Variants in TNS3 observed in about 807,000 individuals in gnomAD.
TNS3 encodes the protein tensin 3, also known as tensin-3.
Under a neutral mutation model 140.9 loss-of-function variants are expected in TNS3, and 45 were observed. The ratio of observed to expected loss-of-function variants is 0.32; its 90% CI spans 0.25 to 0.41. The LOEUF (loss-of-function observed/expected upper bound fraction) is 0.41, where lower values mean the gene tolerates loss of function less well. Ranked by LOEUF, TNS3 falls within the 10% of genes least tolerant of loss-of-function variation. TNS3 has a pLI of 1.00. For synonymous variants in TNS3, 815 were observed against 788.4 expected (o/e 1.03, Z -0.56); for missense variants, 1,716 against 1,906.7 (o/e 0.90, Z 1.86).
At chr7:47,571,433 G>C (rs544437801) in intron 1 of TNS3, among the ~76,000 whole-genome samples, 2 of 152,362 alleles carry the variant, frequency 1.3e-5, no homozygotes, top group South Asian at 4.1e-4. Flanking sequence ...GCAGCCACAG[G>C]CTGCACCCAC....
rs776282580 is a variant in TNS3 at position 47,396,788 on chromosome 7, G to A, written c.1024+12C>T. 6.2e-7 allele frequency: 1 copy of A among 1,605,842 alleles called. No individual in the cohort carries two copies. Among genetic ancestry groups the A allele is most frequent in the South Asian group, 1.1e-5 (1 of 90,898 alleles). ...TTGCCTCCATAACTGCACACAAGATGAACACACGCACCTTCTCCATCTGCA... is the reference window on the plus strand; with the variant it reads ...TTGCCTCCATAACTGCACACAAGATAAACACACGCACCTTCTCCATCTGCA... On this transcript the variant is annotated intron_variant, in intron 16 of 30. Transcript: ENST00000311160.
In TNS3 at chr7:47,529,145, C is replaced by T. The variant is rs113334242; in HGVS notation, c.-262G>A. On this transcript the variant is annotated splice_region_variant and 5_prime_UTR_variant, in exon 2 of 31. Transcript: ENST00000311160. ...CGTGCAGACTCGAGGTTAATTCTTC[C>T]GGCTGAAAAAGTAAAGGAAGAAATT... 954 of 1,266,970 alleles carry T rather than the reference C, an allele frequency of 7.5e-4. 11 individuals are homozygous for T. The African/African-American group carries it at 0.014, about 18-fold the overall frequency. 78.5% of individuals were successfully genotyped at this position (1,266,970 alleles called of 1,614,324 possible).
chr7:47,511,529 G>A (rs1418139710), intron 2 of TNS3, among the ~76,000 whole-genome samples: 3 of 76,308 alleles, frequency 3.9e-5, no homozygotes, highest in South Asian at 7.4e-4. Flanking sequence ...AGGGTAAATC[G>A]TGATGAATAC....
chr7:47,384,884 T>C (rs1791986034), intron 16 of TNS3, among the ~76,000 whole-genome samples: 2 of 152,224 alleles, frequency 1.3e-5, no homozygotes, highest in Non-Finnish European at 2.9e-5. Flanking sequence ...CTGATGTGCA[T>C]GCCTCTGAAA....
intron 27 of TNS3, among the ~76,000 whole-genome samples, chr7:47,287,669 C>T (rs1785489770): frequency 1.3e-5 from 2 of 152,214 alleles, no homozygotes; most frequent in Admixed American, 1.3e-4. Flanking sequence ...CAGCCTCACT[C>T]CTCTGGTGAC....
chr7:47,436,611 T>A (rs1406459428), intron 7 of TNS3, among the ~76,000 whole-genome samples: 1 of 152,176 alleles, frequency 6.6e-6, no homozygotes, highest in Non-Finnish European at 1.5e-5. Context: ...GAAAAAATTT[T>A]AAAAATTTTT....
Position 47,516,704 on chromosome 7 carries a change from C to T in TNS3, c.-152-9760G>A, listed in dbSNP as rs80103504. Among the ~76,000 whole-genome samples, 333 of 152,338 alleles carry T rather than the reference C, an allele frequency of 2.2e-3. 2 individuals are homozygous for T. Among genetic ancestry groups the T allele is most frequent in the African/African-American group, 7.6e-3 (316 of 41,570 alleles). On this transcript the variant is annotated intron_variant, in intron 2 of 30. Coordinates refer to ENST00000311160, the MANE Select transcript of TNS3 (RefSeq NM_022748.12). Reference sequence around the variant, plus strand: ...GGCCAGGTCCGTCCTCCTCCTACTACGCTGACAAGAGCAATGGCTAAAATG... The same window carrying T: ...GGCCAGGTCCGTCCTCCTCCTACTATGCTGACAAGAGCAATGGCTAAAATG...
rs1189487076 is a variant in TNS3 at position 47,390,778 on chromosome 7, C to T, written c.1024+6022G>A. ...CCTCTAAATCTGTCATAGAGTCTCA[C>T]TCATCTACCTCCTAAATATCTAAAG... On this transcript the variant is annotated intron_variant, in intron 16 of 30. Transcript: ENST00000311160. 2.0e-5 allele frequency among the ~76,000 whole-genome samples: 3 copies of T among 152,194 alleles called. No individual in the cohort carries two copies. In the East Asian group the frequency reaches 5.8e-4, roughly 29 times the overall value.
intron 1 of TNS3, among the ~76,000 whole-genome samples, chr7:47,573,669 A>C (rs1800609600): frequency 6.6e-6 from 1 of 151,802 alleles, no homozygotes; most frequent in Non-Finnish European, 1.5e-5. Flanking sequence ...ACACCAGTTG[A>C]CTCCAGATAG....
intron 4 of TNS3, among the ~76,000 whole-genome samples, chr7:47,445,567 G>C (rs77687536): frequency 0.023 from 3,563 of 152,250 alleles, 67 homozygotes; most frequent in East Asian, 0.076. Flanking sequence ...GCTTGGGGGA[G>C]CTGTTCTAGC....
intron 10 of TNS3, among the ~76,000 whole-genome samples, chr7:47,423,567 T>A (rs1033336695): frequency 1.3e-5 from 2 of 152,236 alleles, no homozygotes; most frequent in Admixed American, 1.3e-4. Context: ...AGGGAACTGA[T>A]GAGCTACAAG....
chr7:47,293,023 A>C (rs2150620503), intron 25 of TNS3, 118 bp from the exon 26 acceptor site: 1 of 799,320 alleles, frequency 1.3e-6, no homozygotes, highest in East Asian at 2.7e-5. Flanking sequence ...CTTTTTAGCA[A>C]CTGGTATGTT....
At chr7:47,559,915 C>A (rs1010040755) in intron 1 of TNS3, among the ~76,000 whole-genome samples, 2 of 152,172 alleles carry the variant, frequency 1.3e-5, no homozygotes, top group African/African-American at 4.8e-5. Flanking sequence ...ACCCTGAGAA[C>A]AATCCACACA....
chr7:47,494,763 C>G (rs111561457), intron 3 of TNS3, among the ~76,000 whole-genome samples: 1 of 151,842 alleles, frequency 6.6e-6, no homozygotes, highest in Non-Finnish European at 1.5e-5. Context: ...GGAGAGAGGG[C>G]GCCCCGCGAG....
intron 20 of TNS3, among the ~76,000 whole-genome samples, chr7:47,321,076 G>A (rs1374968481): frequency 6.6e-6 from 1 of 152,210 alleles, no homozygotes; most frequent in Non-Finnish European, 1.5e-5. Flanking sequence ...ACCAGCCTGA[G>A]GCAGGACTCC....
chr7:47,571,434 C>G (rs1002719374), intron 1 of TNS3, among the ~76,000 whole-genome samples: 1 of 152,258 alleles, frequency 6.6e-6, no homozygotes, highest in African/African-American at 2.4e-5. Flanking sequence ...CAGCCACAGG[C>G]TGCACCCACG....
chr7:47,418,622 C>A (rs1440849140), intron 10 of TNS3, among the ~76,000 whole-genome samples: 1 of 152,172 alleles, frequency 6.6e-6, no homozygotes, highest in African/African-American at 2.4e-5. Context: ...GGAAATAACT[C>A]CCTGGAGATG....
chr7:47,453,679 G>A (rs1179124033), intron 4 of TNS3, among the ~76,000 whole-genome samples: 1 of 152,238 alleles, frequency 6.6e-6, no homozygotes, highest in African/African-American at 2.4e-5. Flanking sequence ...CAGAGAGAAG[G>A]AAAGGTATGC....
At chr7:47,417,844 TA>T (rs568009861) in intron 10 of TNS3, among the ~76,000 whole-genome samples, 131 of 152,262 alleles carry the variant, frequency 8.6e-4, no homozygotes, top group African/African-American at 3.0e-3. Context: ...CAATGCCTTA[TA>T]AAAACAACAA....
Sources: allele counts gnomAD v4.1 joint callset (sites outside exome capture counted in the v4.1 genomes callset), GRCh38; gene constraint gnomAD v4.1.1; transcripts MANE v1.5; gene names NCBI Gene and HGNC (gene_info 2026-07-23, HGNC 2026-07-21).